The following VRK1 variants were observed in gnomAD, a reference collection of about 807,000 sequenced individuals.
VRK1 encodes the protein VRK serine/threonine kinase 1.
VRK1 carries 33 observed loss-of-function variants against 57.1 expected under a neutral mutation model. The ratio of observed to expected loss-of-function variants is 0.58; its 90% confidence interval spans 0.44 to 0.77. VRK1 has a LOEUF of 0.77. Ranked by LOEUF, VRK1 falls within the 30% of genes least tolerant of loss-of-function variation. The pLI is 0.00. For synonymous variants in VRK1, 137 were observed against 147.8 expected (o/e 0.93, Z 0.53); for missense variants, 413 against 477.3 (o/e 0.87, Z 1.25).
intron 2 of VRK1, among the ~76,000 whole-genome samples, chr14:96,835,384 A>T (rs533142680): frequency 5.5e-4 from 83 of 152,150 alleles, no homozygotes; most frequent in Non-Finnish European, 8.7e-4. Context: ...TTCTGGCTGT[A>T]CTTGGTCATC....
At chr14:96,813,058 A>G in intron 1 of VRK1, among the ~76,000 whole-genome samples, 1 of 152,200 alleles carries the variant, frequency 6.6e-6, no homozygotes, top group East Asian at 1.9e-4. Flanking sequence ...GTTTCACATC[A>G]TGTGGCAGAT....
intron 1 of VRK1, among the ~76,000 whole-genome samples, chr14:96,821,596 T>C (rs1284236299): frequency 6.6e-6 from 1 of 152,226 alleles, no homozygotes; most frequent in Admixed American, 6.5e-5. Flanking sequence ...AATACAGTTG[T>C]AATAACTGGT....
chr14:96,833,773 T>G, intron 2 of VRK1, 142 bp downstream of exon 2: 1 of 1,210,372 alleles, frequency 8.3e-7, no homozygotes, highest in Non-Finnish European at 1.2e-6. Flanking sequence ...CAAAAATGCA[T>G]CTCTGACGTA....
chr14:96,874,056 A>T (rs1779911239), intron 11 of VRK1, among the ~76,000 whole-genome samples: 1 of 152,208 alleles, frequency 6.6e-6, no homozygotes, highest in Admixed American at 6.5e-5. Context: ...AGATGAATGC[A>T]CTTAGGTTCT....
At chr14:96,848,309 A>G (rs1388103776) in intron 5 of VRK1, among the ~76,000 whole-genome samples, 1 of 152,176 alleles carries the variant, frequency 6.6e-6, no homozygotes, top group Non-Finnish European at 1.5e-5. Context: ...TGGCAAAGAA[A>G]GCTTTCCCAG....
At chr14:96,870,691 A>G (rs1202335904) in intron 11 of VRK1, among the ~76,000 whole-genome samples, 3 of 152,208 alleles carry the variant, frequency 2.0e-5, no homozygotes, top group African/African-American at 4.8e-5. Context: ...AAGTGTCATT[A>G]GGAGATTTTT....
intron 1 of VRK1, among the ~76,000 whole-genome samples, 170 bp downstream of exon 1, chr14:96,797,617 G>T (rs1243907652): frequency 6.6e-6 from 1 of 152,020 alleles, no homozygotes; most frequent in Non-Finnish European, 1.5e-5. Flanking sequence ...GCGCTCCGCC[G>T]CGTGGCTTCC....
chr14:96,862,313 A>AG (rs1417787449), intron 11 of VRK1, among the ~76,000 whole-genome samples: 1 of 152,318 alleles, frequency 6.6e-6, no homozygotes, highest in African/African-American at 2.4e-5. Context: ...AGCTTCATTT[A>AG]GGGGAAAAAA....
chr14:96,804,987 T>G (rs1275661155), intron 1 of VRK1, among the ~76,000 whole-genome samples: 2 of 152,194 alleles, frequency 1.3e-5, no homozygotes, highest in Non-Finnish European at 2.9e-5. Context: ...GTTGGCTCAT[T>G]GTTGATGTGG....
At chr14:96,808,846 TAAC>T (rs1016384895) in intron 1 of VRK1, among the ~76,000 whole-genome samples, 3 of 152,196 alleles carry the variant, frequency 2.0e-5, no homozygotes, top group Admixed American at 6.5e-5. Context: ...TAGTGTAAAA[TAAC>T]AACCATTTTA....
At chr14:96,800,174 A>G (rs569796978) in intron 1 of VRK1, among the ~76,000 whole-genome samples, 2 of 152,280 alleles carry the variant, frequency 1.3e-5, no homozygotes, top group South Asian at 4.1e-4. Flanking sequence ...TTTGATCAAA[A>G]TTCCTGTGAA....
Position 96,814,870 on chromosome 14 carries a change from A to G in VRK1, c.-6+17423A>G, listed in dbSNP as rs1055453832. Among the ~76,000 whole-genome samples, 3 of 152,216 alleles carry G rather than the reference A, an allele frequency of 2.0e-5. No homozygotes were observed. In the South Asian group the frequency reaches 6.2e-4, roughly 31 times the overall value. ...TAATATTCCATTCTGTGGATATGCC[A>G]TGCTTCATTTAATATTATGTTGGTG... On this transcript the variant is annotated intron_variant, in intron 1 of 12. Transcript: ENST00000216639.
chr14:96,856,376 CAGTA>C, intron 9 of VRK1, 126 bp downstream of exon 9: 1 of 1,384,188 alleles, frequency 7.2e-7, no homozygotes, highest in Non-Finnish European at 1.0e-6. Context: ...ACTTGTTAAA[CAGTA>C]AGGTTCCTTG....
At chr14:96,869,573 T>G (rs1888730451) in intron 11 of VRK1, among the ~76,000 whole-genome samples, 1 of 152,224 alleles carries the variant, frequency 6.6e-6, no homozygotes. Context: ...AAGACTAAAA[T>G]GTAGCTCCAT....
At chr14:96,876,510 A>G (rs558875475) in intron 12 of VRK1, among the ~76,000 whole-genome samples, 1 of 152,166 alleles carries the variant, frequency 6.6e-6, no homozygotes. Context: ...TCTAAAATAA[A>G]TAAAATAAAT....
rs114371857 is a variant in VRK1 at position 96,831,028 on chromosome 14, C to T, written c.-5-2439C>T. On this transcript the variant is annotated intron_variant, in intron 1 of 12. Transcript: ENST00000216639. ...AGCCTCTTGAGACCTCACCAAGGACCCCTTGCACTTCCTGGCTGTGGGAGT... is the reference window on the plus strand; with the variant it reads ...AGCCTCTTGAGACCTCACCAAGGACTCCTTGCACTTCCTGGCTGTGGGAGT... 1.4e-3 allele frequency among the ~76,000 whole-genome samples: 210 copies of T among 152,264 alleles called. 1 individual carries two copies. Among genetic ancestry groups the T allele is most frequent in the African/African-American group, 4.7e-3 (196 of 41,556 alleles).
At chr14:96,842,810 C>G (rs190201244) in intron 3 of VRK1, among the ~76,000 whole-genome samples, 1 of 152,312 alleles carries the variant, frequency 6.6e-6, no homozygotes, top group Admixed American at 6.5e-5. Context: ...TAGAATCTGG[C>G]ACACAGAGCA....
chr14:96,802,282 A>G (rs1392119373), intron 1 of VRK1, among the ~76,000 whole-genome samples: 1 of 152,184 alleles, frequency 6.6e-6, no homozygotes, highest in Non-Finnish European at 1.5e-5. Context: ...AGAAATAAAA[A>G]CGTTCACAAA....
At chr14:96,810,561 G>T (rs1407639236) in intron 1 of VRK1, among the ~76,000 whole-genome samples, 2 of 152,098 alleles carry the variant, frequency 1.3e-5, no homozygotes, top group African/African-American at 4.8e-5. Context: ...AGGTGGCATT[G>T]GGTCTGTTGG....
Sources: gnomAD v4.1 joint callset for allele counts (sites outside exome capture counted in the v4.1 genomes callset) on GRCh38, gnomAD v4.1.1 for gene constraint, MANE v1.5 for transcripts, NCBI Gene and HGNC (gene_info 2026-07-23, HGNC 2026-07-21) for gene names.